SKIC3: variants seen among roughly 807,000 people sequenced by gnomAD.
The protein encoded by SKIC3 is superkiller complex protein 3.
At chr5:95,538,646 G>A in the SKIC3 span, among the ~76,000 whole-genome samples, 2 of 152,108 alleles carry the variant, frequency 1.3e-5, no homozygotes, top group East Asian at 3.9e-4. Flanking sequence ...ATAAAAAAAG[G>A]AGAATGATAG....
At chr5:95,499,150 GA>G in the SKIC3 span, among the ~76,000 whole-genome samples, 1 of 152,126 alleles carries the variant, frequency 6.6e-6, no homozygotes, top group Non-Finnish European at 1.5e-5. Context: ...ACACCTAAGT[GA>G]TATGGTTTGG....
the SKIC3 span, among the ~76,000 whole-genome samples, chr5:95,482,150 G>A: frequency 9.5e-4 from 144 of 152,256 alleles, 6 homozygotes; most frequent in South Asian, 0.028. Flanking sequence ...TAAAAGCAGA[G>A]TTAAACACCA....
the SKIC3 span, among the ~76,000 whole-genome samples, chr5:95,486,545 A>G: frequency 1.3e-5 from 2 of 152,116 alleles, no homozygotes; most frequent in Admixed American, 6.5e-5. Context: ...CCTGCCTATC[A>G]CAGCCAGGGC....
At chr5:95,533,430 G>A in the SKIC3 span, among the ~76,000 whole-genome samples, 3 of 151,922 alleles carry the variant, frequency 2.0e-5, no homozygotes, top group Non-Finnish European at 2.9e-5. Context: ...CTGAAAGTCG[G>A]GTTTAGAGGA....
the SKIC3 span, chr5:95,464,292 A>G: frequency 4.0e-6 from 1 of 248,328 alleles, no homozygotes; most frequent in Non-Finnish European, 7.8e-6. Flanking sequence ...AAGGGATTAC[A>G]GTAAAAGATA....
At chr5:95,542,785 A>C in the SKIC3 span, among the ~76,000 whole-genome samples, 1 of 152,262 alleles carries the variant, frequency 6.6e-6, no homozygotes, top group South Asian at 2.1e-4. Context: ...GTAAGAAAAA[A>C]GAATTTAACT....
At chr5:95,467,846 A>G in the SKIC3 span, 2 of 1,613,314 alleles carry the variant, frequency 1.2e-6, no homozygotes, top group Non-Finnish European at 1.7e-6. Context: ...CAAACATTTT[A>G]AATAAAATCA....
chr5:95,482,748 T>C, the SKIC3 span: 1 of 1,097,354 alleles, frequency 9.1e-7, no homozygotes, highest in Admixed American at 2.4e-5. Context: ...CTTTTCTTAT[T>C]AAAGAGAAAA....
chr5:95,551,504 A>T, the SKIC3 span, among the ~76,000 whole-genome samples: 1 of 152,220 alleles, frequency 6.6e-6, no homozygotes, highest in Non-Finnish European at 1.5e-5. Flanking sequence ...AAAGTATGGT[A>T]ATCCAAACAA....
chr5:95,527,952 G>C, the SKIC3 span: 14 of 1,590,670 alleles, frequency 8.8e-6, no homozygotes, highest in Non-Finnish European at 1.2e-5. Flanking sequence ...GGCAGAGAAT[G>C]GTTGTTGCCT....
chr5:95,541,671 CA>C, the SKIC3 span: 1 of 671,678 alleles, frequency 1.5e-6, no homozygotes, highest in Non-Finnish European at 2.5e-6. Context: ...ATTTTAATCA[CA>C]AAAGATTCTA....
chr5:95,530,370 A>G, the SKIC3 span: 1 of 787,152 alleles, frequency 1.3e-6, no homozygotes, highest in Admixed American at 2.6e-5. Context: ...CAAAATTTAA[A>G]TAGACCAGCA....
At chr5:95,535,447 A>G in the SKIC3 span, among the ~76,000 whole-genome samples, 1 of 150,100 alleles carries the variant, frequency 6.7e-6, no homozygotes, top group African/African-American at 2.5e-5. Context: ...AGTAGCTGGG[A>G]TTACAGGCGC....
the SKIC3 span, among the ~76,000 whole-genome samples, chr5:95,475,750 C>T: frequency 0.81 from 123,217 of 152,202 alleles, 50,203 homozygotes; most frequent in East Asian, 0.89. Context: ...TGAAGGTGAA[C>T]TCTTGCACTT....
At chr5:95,467,570 G>T in the SKIC3 span, among the ~76,000 whole-genome samples, 1 of 152,182 alleles carries the variant, frequency 6.6e-6, no homozygotes, top group South Asian at 2.1e-4. Context: ...ATGCCAAAGA[G>T]CCCCAGCTTT....
chr5:95,506,070 A>G, the SKIC3 span, among the ~76,000 whole-genome samples: 1 of 152,208 alleles, frequency 6.6e-6, no homozygotes, highest in Non-Finnish European at 1.5e-5. Context: ...ATTCTACACA[A>G]TATCTGTCCT....
At chr5:95,512,471 C>T in the SKIC3 span, 1 of 1,613,278 alleles carries the variant, frequency 6.2e-7, no homozygotes, top group Non-Finnish European at 8.5e-7. Flanking sequence ...ATAACAGGTA[C>T]CTTACCTACA....
chr5:95,541,723 A>T, the SKIC3 span: 2 of 914,970 alleles, frequency 2.2e-6, no homozygotes, highest in Admixed American at 5.1e-5. Flanking sequence ...CGCAATTCCC[A>T]GTAAATGCTG....
the SKIC3 span, chr5:95,537,189 A>G: frequency 1.4e-6 from 2 of 1,468,104 alleles, no homozygotes; most frequent in Non-Finnish European, 1.9e-6. Context: ...TAAATGACAA[A>G]TGATTAAATG....
Sources: gnomAD v4.1 joint callset for allele counts (sites outside exome capture counted in the v4.1 genomes callset) on GRCh38, gnomAD v4.1.1 for gene constraint, MANE v1.5 for transcripts, NCBI Gene and HGNC (gene_info 2026-07-23, HGNC 2026-07-21) for gene names.